Variants in RSPH9 observed in about 807,000 individuals in gnomAD.
The protein encoded by RSPH9 is radial spoke head component 9.
A neutral mutation model predicts 27.0 loss-of-function variants in RSPH9; 27 were observed. The ratio of observed to expected loss-of-function variants is 1.00; its 90% CI spans 0.74 to 1.38. The LOEUF (loss-of-function observed/expected upper bound fraction) is 1.38, where lower values mean the gene tolerates loss of function less well. RSPH9 is among the 40% of genes most tolerant of loss of function. The pLI is 0.00. For missense variants in RSPH9, 347 were observed against 357.4 expected, an observed-to-expected ratio of 0.97 and a Z score of 0.24; for synonymous variants, 145 against 147.7, an observed-to-expected ratio of 0.98 and a Z score of 0.13.
At chr6:43,645,435 T>G (rs1037324310) in intron 1 of RSPH9, 110 bp downstream of exon 1, 59 of 791,192 alleles carry the variant, frequency 7.5e-5, no homozygotes, top group African/African-American at 2.2e-4. Flanking sequence ...CCAAGGGAGG[T>G]GTGGGCGGGA....
chr6:43,655,790 A>G, intron 3 of RSPH9, 99 bp downstream of exon 3: 2 of 1,398,024 alleles, frequency 1.4e-6, no homozygotes, highest in Non-Finnish European at 1.0e-6. Flanking sequence ...TACACACTTT[A>G]TCAGAGAAGG....
Position 43,671,843 on chromosome 6 carries a change from G to C in RSPH9, c.*894G>C, listed in dbSNP as rs1343555384. ...GTGACCCCACGGGCATGCGCACCCT[G>C]TTCCAGCGGGGGCCTTTTTTGTAGA... On this transcript the variant is annotated 3_prime_UTR_variant, in exon 5 of 5. Coordinates refer to ENST00000372163, the MANE Select transcript of RSPH9 (RefSeq NM_152732.5). The C allele has an allele frequency of 1.9e-6, 3 of 1,614,036 alleles. No individual in the cohort carries two copies. The South Asian group carries it at 3.3e-5, about 18-fold the overall frequency.
At position 43,671,664 on chromosome 6, in the gene RSPH9, G is replaced by T; in HGVS notation, c.*715G>T. ...GTTGGAGGGACCAGGCCATCGTGGTGGGGTGGGACAGGAGTATAGTTGTGG... is the reference window on the plus strand; with the variant it reads ...GTTGGAGGGACCAGGCCATCGTGGTTGGGTGGGACAGGAGTATAGTTGTGG... On this transcript the variant is annotated 3_prime_UTR_variant, in exon 5 of 5. Transcript: ENST00000372163. 1 of 1,414,206 alleles carries T rather than the reference G, an allele frequency of 7.1e-7. No individual in the cohort carries two copies. Among genetic ancestry groups the T allele is most frequent in the South Asian group, 1.2e-5 (1 of 84,478 alleles). The allele number at this position is 1,414,206 out of a possible 1,614,324, so 87.6% of individuals were successfully genotyped here.
intron 4 of RSPH9, among the ~76,000 whole-genome samples, chr6:43,659,661 C>T (rs1230525964): frequency 2.6e-5 from 4 of 151,888 alleles, no homozygotes; most frequent in East Asian, 1.9e-4. Flanking sequence ...GGATTACAGG[C>T]GTGAGCCACC....
chr6:43,647,371 A>T (rs532288521), intron 1 of RSPH9, among the ~76,000 whole-genome samples: 3 of 152,106 alleles, frequency 2.0e-5, no homozygotes, highest in Admixed American at 6.6e-5. Flanking sequence ...GAGTGGGCAA[A>T]ATGGCCTGAA....
chr6:43,664,988 C>T (rs931933322), intron 4 of RSPH9, among the ~76,000 whole-genome samples: 1 of 152,316 alleles, frequency 6.6e-6, no homozygotes, highest in Non-Finnish European at 1.5e-5. Flanking sequence ...CAGCCCTGTC[C>T]CCTGATTCAG....
At chr6:43,659,833 C>T (rs1022351833) in intron 4 of RSPH9, among the ~76,000 whole-genome samples, 12 of 151,890 alleles carry the variant, frequency 7.9e-5, no homozygotes, top group African/African-American at 2.4e-4. Flanking sequence ...CCCGGGTTCA[C>T]GCCATTCTCC....
At chr6:43,655,988 ACTTCCTTCCTTCCTTCCTTCCTTC>A (rs70993404) in intron 3 of RSPH9, among the ~76,000 whole-genome samples, 82 of 113,714 alleles carry the variant, frequency 7.2e-4, no homozygotes, top group Admixed American at 1.3e-3. Context: ...TCCTCCTTGG[ACTTCCTTCCTTCCTTCCTTCCTTC>A]CTTCCTTCCT....
chr6:43,666,178 G>T (rs1423557421), intron 4 of RSPH9, among the ~76,000 whole-genome samples: 1 of 152,182 alleles, frequency 6.6e-6, no homozygotes, highest in Admixed American at 6.5e-5. Context: ...CGATGGAGTG[G>T]AAGTGTGGAT....
chr6:43,657,679 C>T (rs966124872), intron 4 of RSPH9, among the ~76,000 whole-genome samples: 1 of 152,198 alleles, frequency 6.6e-6, no homozygotes, highest in Non-Finnish European at 1.5e-5. Context: ...ATGACAAGGG[C>T]TGTGGAATCA....
chr6:43,664,745 G>C (rs561390028), intron 4 of RSPH9, among the ~76,000 whole-genome samples: 9 of 152,296 alleles, frequency 5.9e-5, no homozygotes, highest in African/African-American at 1.9e-4. Context: ...GGACAAGTAG[G>C]GGGATATGAA....
At chr6:43,669,411 C>T (rs894809667) in intron 4 of RSPH9, among the ~76,000 whole-genome samples, 10 of 152,226 alleles carry the variant, frequency 6.6e-5, no homozygotes, top group African/African-American at 2.2e-4. Flanking sequence ...GTCAGGGGTT[C>T]CTGGCAATCA....
At chr6:43,656,042 CTTT>C (rs1291684234) in intron 3 of RSPH9, among the ~76,000 whole-genome samples, 6,532 of 71,198 alleles carry the variant, frequency 0.092, 338 homozygotes, top group African/African-American at 0.31. Context: ...CCTTCCCCTT[CTTT>C]CCCTTCTTTC....
rs1474542352 is a variant in RSPH9 at position 43,645,197 on chromosome 6, G to A, written c.99G>A (p.Met33Ile). ...GGGCCTCGCTGCTCACGTCTCTTATGCTGGTTAAGCGCGACTACCGCTATG... is the reference window on the plus strand; with the variant it reads ...GGGCCTCGCTGCTCACGTCTCTTATACTGGTTAAGCGCGACTACCGCTATG... ...DRRASLLTSL[M>I]LVKRDYRYDR... Residue 33 changes from methionine to isoleucine, a missense_variant, in exon 1 of 5, where the codon ATG becomes ATA. By Grantham distance (10) the Met-to-Ile change is conservative. Transcript: ENST00000372163. 1.2e-6 allele frequency: 2 copies of A among 1,613,848 alleles called. No individual in the cohort carries two copies. Among genetic ancestry groups the A allele is most frequent in the African/African-American group, 1.3e-5 (1 of 74,954 alleles).
intron 1 of RSPH9, 68 bp downstream of exon 1, chr6:43,645,393 C>A (rs1770743480): frequency 9.7e-7 from 1 of 1,028,566 alleles, no homozygotes; most frequent in Non-Finnish European, 1.5e-6. Flanking sequence ...GTGGGCGGGT[C>A]GCAGCAATTG....
intron 4 of RSPH9, among the ~76,000 whole-genome samples, chr6:43,669,832 C>T (rs909384060): frequency 6.6e-6 from 1 of 152,188 alleles, no homozygotes; most frequent in African/African-American, 2.4e-5. Context: ...CACGACTCAG[C>T]CCTGAGCTGG....
intron 1 of RSPH9, among the ~76,000 whole-genome samples, chr6:43,649,248 G>A (rs549313117): frequency 6.6e-6 from 1 of 152,054 alleles, no homozygotes; most frequent in Admixed American, 6.6e-5. Context: ...GGATTCCAAT[G>A]GTGTGATCTC....
intron 4 of RSPH9, among the ~76,000 whole-genome samples, chr6:43,669,928 G>T (rs1040091093): frequency 1.3e-5 from 2 of 152,370 alleles, no homozygotes; most frequent in East Asian, 3.9e-4. Context: ...TCCCACCAAG[G>T]ATGGCTCCCA....
At chr6:43,664,195 G>A (rs886333843) in intron 4 of RSPH9, among the ~76,000 whole-genome samples, 4 of 152,054 alleles carry the variant, frequency 2.6e-5, no homozygotes, top group Non-Finnish European at 5.9e-5. Context: ...ATATATCAAA[G>A]TAAACCTGTG....
Sources: gnomAD v4.1 joint callset for allele counts (sites outside exome capture counted in the v4.1 genomes callset) on GRCh38, gnomAD v4.1.1 for gene constraint, MANE v1.5 for transcripts, NCBI Gene and HGNC (gene_info 2026-07-23, HGNC 2026-07-21) for gene names.